VCF1: variants seen among roughly 807,000 people sequenced by gnomAD.
The protein encoded by VCF1 is protein VCF1.
chr17:73,230,323 A>G, the VCF1 span, among the ~76,000 whole-genome samples: 1 of 151,946 alleles, frequency 6.6e-6, no homozygotes, highest in East Asian at 1.9e-4. Flanking sequence ...CAACCAATCA[A>G]TCAATCAATA....
At chr17:73,208,087 T>G in the VCF1 span, 2 of 1,431,794 alleles carry the variant, frequency 1.4e-6, no homozygotes, top group Non-Finnish European at 1.8e-6. Context: ...TCTACCCTTT[T>G]CCCAAGACAG....
chr17:73,208,493 A>G, the VCF1 span: 2 of 1,600,702 alleles, frequency 1.2e-6, no homozygotes, highest in Non-Finnish European at 1.7e-6. Flanking sequence ...ATACTACCAC[A>G]TTATTTCTTC....
chr17:73,218,158 GA>G, the VCF1 span, among the ~76,000 whole-genome samples: 7 of 149,472 alleles, frequency 4.7e-5, no homozygotes, highest in Admixed American at 4.0e-4. Context: ...GGCTGCCACA[GA>G]ATCTGGATTA....
At chr17:73,223,954 T>C in the VCF1 span, among the ~76,000 whole-genome samples, 2 of 150,288 alleles carry the variant, frequency 1.3e-5, no homozygotes, top group African/African-American at 4.9e-5. Flanking sequence ...GCACTCAGCT[T>C]GGGCAACAGA....
At chr17:73,221,618 G>A in the VCF1 span, among the ~76,000 whole-genome samples, 2 of 152,124 alleles carry the variant, frequency 1.3e-5, no homozygotes, top group African/African-American at 4.8e-5. Context: ...GCTGGGCATG[G>A]TGGCTCACAC....
the VCF1 span, among the ~76,000 whole-genome samples, chr17:73,228,891 C>T: frequency 6.6e-6 from 1 of 152,182 alleles, no homozygotes; most frequent in South Asian, 2.1e-4. Context: ...TGCTGGTCCT[C>T]ACACACCCAT....
At chr17:73,223,497 G>C in the VCF1 span, among the ~76,000 whole-genome samples, 2 of 152,174 alleles carry the variant, frequency 1.3e-5, no homozygotes, top group Non-Finnish European at 2.9e-5. Flanking sequence ...TGTACAGATA[G>C]TTGTGATTTA....
chr17:73,224,927 C>CAGGAT, the VCF1 span, among the ~76,000 whole-genome samples: 1 of 150,286 alleles, frequency 6.7e-6, no homozygotes, highest in African/African-American at 2.5e-5. Context: ...CAGGACAGGA[C>CAGGAT]AGGACAGCAC....
At chr17:73,231,194 T>C in the VCF1 span, among the ~76,000 whole-genome samples, 6 of 152,194 alleles carry the variant, frequency 3.9e-5, no homozygotes, top group African/African-American at 1.4e-4. Context: ...AAACTCAGAA[T>C]ACTTTTGAGA....
the VCF1 span, among the ~76,000 whole-genome samples, chr17:73,213,246 A>G: frequency 3.9e-5 from 1 of 25,776 alleles, no homozygotes; most frequent in Non-Finnish European, 1.0e-4. Flanking sequence ...GTCTCAAAAG[A>G]AAAAAAAAAA....
chr17:73,211,658 G>A, the VCF1 span, among the ~76,000 whole-genome samples: 1 of 151,370 alleles, frequency 6.6e-6, no homozygotes, highest in African/African-American at 2.4e-5. Context: ...TCAAGAGGTC[G>A]AGACCATCCT....
the VCF1 span, among the ~76,000 whole-genome samples, chr17:73,215,897 A>G: frequency 6.6e-6 from 1 of 152,196 alleles, no homozygotes; most frequent in Non-Finnish European, 1.5e-5. Context: ...AGGATAAGGA[A>G]GAATTTTCAC....
the VCF1 span, chr17:73,209,706 G>A: frequency 1.3e-6 from 2 of 1,547,464 alleles, no homozygotes; most frequent in Non-Finnish European, 1.7e-6. Context: ...CGCTGGCCCT[G>A]TCCGGGCTAT....
At chr17:73,230,656 C>G in the VCF1 span, among the ~76,000 whole-genome samples, 1 of 152,186 alleles carries the variant, frequency 6.6e-6, no homozygotes, top group Non-Finnish European at 1.5e-5. Flanking sequence ...CTTGACTTCC[C>G]AAAGTGCTGG....
the VCF1 span, chr17:73,227,373 A>G: frequency 2.2e-6 from 2 of 899,814 alleles, no homozygotes; most frequent in Non-Finnish European, 3.2e-6. Flanking sequence ...GGCCTGAGAA[A>G]ACATAATTCA....
the VCF1 span, among the ~76,000 whole-genome samples, chr17:73,221,928 G>T: frequency 0.51 from 77,590 of 151,236 alleles, 20,005 homozygotes; most frequent in East Asian, 0.6. Context: ...CAGCTACTCG[G>T]GAGGCTGAGG....
chr17:73,232,118 CGGAT>C, the VCF1 span: 1 of 1,609,526 alleles, frequency 6.2e-7, no homozygotes, highest in Non-Finnish European at 8.5e-7. Context: ...TGGCAGCTGG[CGGAT>C]GGAAGCTACG....
At chr17:73,232,326 C>A in the VCF1 span, 2 of 1,548,352 alleles carry the variant, frequency 1.3e-6, no homozygotes, top group East Asian at 2.3e-5. Flanking sequence ...GCCGTGGTAC[C>A]GCCCTCTCGC....
chr17:73,228,379 G>T, the VCF1 span, among the ~76,000 whole-genome samples: 36 of 152,218 alleles, frequency 2.4e-4, no homozygotes, highest in Admixed American at 7.2e-4. Flanking sequence ...TGAGAGTAGG[G>T]TGGCTTACAG....
Sources: allele counts gnomAD v4.1 joint callset (sites outside exome capture counted in the v4.1 genomes callset), GRCh38; gene constraint gnomAD v4.1.1; transcripts MANE v1.5; gene names NCBI Gene and HGNC (gene_info 2026-07-23, HGNC 2026-07-21).